Variants in CAMTA1 observed in about 807,000 individuals in gnomAD.
CAMTA1 encodes calmodulin-binding transcription activator 1.
Under a neutral mutation model 170.9 loss-of-function variants are expected in CAMTA1, and 27 were observed. That is an observed-to-expected ratio of 0.16 (90% CI 0.12 to 0.22). The LOEUF is 0.22. CAMTA1 is among the 10% of genes least tolerant of loss of function. CAMTA1 has a pLI of 1.00. For missense variants in CAMTA1, 1,619 were observed against 2,217.2 expected, an observed-to-expected ratio of 0.73 and a Z score of 5.42; for synonymous variants, 833 against 891.5, an observed-to-expected ratio of 0.93 and a Z score of 1.17.
intron 6 of CAMTA1, among the ~76,000 whole-genome samples, chr1:7,495,866 C>T (rs991951571): frequency 2.6e-5 from 4 of 152,230 alleles, no homozygotes; most frequent in African/African-American, 7.2e-5. Context: ...AGGCTAAACC[C>T]GCCCAGGAAA....
At chr1:6,889,084 A>G (rs916993998) in intron 3 of CAMTA1, among the ~76,000 whole-genome samples, 9 of 152,230 alleles carry the variant, frequency 5.9e-5, no homozygotes, top group Non-Finnish European at 1.2e-4. Flanking sequence ...TTTATTTTGC[A>G]TAGAGAAGTA....
chr1:7,477,831 C>T (rs2093446507), intron 6 of CAMTA1, among the ~76,000 whole-genome samples: 2 of 152,180 alleles, frequency 1.3e-5, no homozygotes, highest in Non-Finnish European at 2.9e-5. Context: ...TGGGGAGGGG[C>T]ACCCTCTGCT....
At chr1:6,843,748 G>T (rs1419454547) in intron 3 of CAMTA1, among the ~76,000 whole-genome samples, 2 of 152,146 alleles carry the variant, frequency 1.3e-5, no homozygotes, top group East Asian at 3.9e-4. Flanking sequence ...CCAAAGTGCT[G>T]GGATTATAGG....
chr1:6,902,072 C>CACACAAAAAAAA, intron 3 of CAMTA1, among the ~76,000 whole-genome samples: 1 of 88,492 alleles, frequency 1.1e-5, no homozygotes, highest in African/African-American at 3.6e-5. Flanking sequence ...CACACACACA[C>CACACAAAAAAAA]AAAAAAAAAA....
intron 21 of CAMTA1, among the ~76,000 whole-genome samples, chr1:7,753,635 T>G (rs562823441): frequency 2.6e-5 from 4 of 152,230 alleles, no homozygotes; most frequent in Non-Finnish European, 5.9e-5. Context: ...TACTTTTACT[T>G]AAATTAACAG....
intron 6 of CAMTA1, among the ~76,000 whole-genome samples, chr1:7,569,963 C>A (rs994195988): frequency 6.6e-6 from 1 of 152,238 alleles, no homozygotes; most frequent in East Asian, 1.9e-4. Context: ...GCTAACTGCC[C>A]TGCCTAATCC....
At chr1:7,459,879 G>A (rs530663330) in intron 5 of CAMTA1, among the ~76,000 whole-genome samples, 1 of 152,380 alleles carries the variant, frequency 6.6e-6, no homozygotes, top group South Asian at 2.1e-4. Flanking sequence ...AGGAGAAATG[G>A]AGACATGGGA....
At chr1:6,969,439 CCCTGGAA>C (rs1692157382) in intron 3 of CAMTA1, among the ~76,000 whole-genome samples, 1 of 152,122 alleles carries the variant, frequency 6.6e-6, no homozygotes, top group Non-Finnish European at 1.5e-5. Flanking sequence ...CTGCCGCTTG[CCCTGGAA>C]CCTGGTCCGG....
At chr1:7,679,862 T>A (rs2096169531) in intron 11 of CAMTA1, among the ~76,000 whole-genome samples, 1 of 152,230 alleles carries the variant, frequency 6.6e-6, no homozygotes. Context: ...ATCAGGGCCC[T>A]GAAGGACGCT....
At chr1:7,373,066 G>C (rs1452515903) in intron 5 of CAMTA1, among the ~76,000 whole-genome samples, 1 of 152,212 alleles carries the variant, frequency 6.6e-6, no homozygotes, top group Non-Finnish European at 1.5e-5. Flanking sequence ...GGAGGCATGG[G>C]AACCAGGGGA....
At chr1:7,424,839 C>T (rs2091786771) in intron 5 of CAMTA1, among the ~76,000 whole-genome samples, 1 of 152,070 alleles carries the variant, frequency 6.6e-6, no homozygotes, top group Non-Finnish European at 1.5e-5. Flanking sequence ...TCCCTAAAAA[C>T]CGCTCCACTC....
intron 6 of CAMTA1, among the ~76,000 whole-genome samples, chr1:7,553,480 G>A (rs1477865999): frequency 6.6e-6 from 1 of 152,258 alleles, no homozygotes; most frequent in East Asian, 1.9e-4. Flanking sequence ...CTCCCCTGGA[G>A]GGAGCTCACA....
chr1:6,849,555 G>A lies in CAMTA1; in HGVS notation c.234+24345G>A, dbSNP rs1659580966. Among the ~76,000 whole-genome samples, 7 of 152,068 alleles carry A rather than the reference G, an allele frequency of 4.6e-5. No homozygotes were observed. In the South Asian group the frequency reaches 1.2e-3, roughly 27 times the overall value. On this transcript the variant is annotated intron_variant, in intron 3 of 22. Coordinates refer to ENST00000303635, the MANE Select transcript of CAMTA1 (RefSeq NM_015215.4). ...GTTACAGAAACCAAGGCAGGACATA[G>A]TAGCAAGGAGACTGAGCAATAGGGA...
rs70984069 is a variant in CAMTA1, at chr1:7,310,678, TTCTC to T, written c.438+61074_438+61077del. ...TTCTTTCTTTCTTTCTTTCCTTTCT[TTCTC>T]TCTCTCTCTCTCTCTCTCTCTTTCT... On this transcript the variant is annotated intron_variant, in intron 5 of 22. Coordinates refer to ENST00000303635, the MANE Select transcript of CAMTA1 (RefSeq NM_015215.4). 4.6e-4 allele frequency among the ~76,000 whole-genome samples: 16 copies of T among 34,648 alleles called. 2 individuals carry two copies. The highest frequency in any genetic ancestry group is 2.2e-3 in the Admixed American group (6 of 2,668). The allele number at this position is 34,648 out of a possible 152,430, so 22.7% of individuals were successfully genotyped here. A position where few individuals can be genotyped will look rare whatever the true frequency, so the allele number is the denominator to read the frequency against.
intron 4 of CAMTA1, among the ~76,000 whole-genome samples, chr1:7,192,834 G>T (rs1394987796): frequency 6.6e-6 from 1 of 152,210 alleles, no homozygotes; most frequent in Non-Finnish European, 1.5e-5. Flanking sequence ...AGCGTCACCG[G>T]AAGGAAAAGG....
intron 11 of CAMTA1, among the ~76,000 whole-genome samples, chr1:7,716,199 A>AT (rs1401707240): frequency 6.6e-6 from 1 of 151,880 alleles, no homozygotes; most frequent in Non-Finnish European, 1.5e-5. Context: ...TGCCCAGCTA[A>AT]TTTTTTTATG....
At chr1:6,939,550 GTCC>G (rs1284142999) in intron 3 of CAMTA1, among the ~76,000 whole-genome samples, 1 of 152,240 alleles carries the variant, frequency 6.6e-6, no homozygotes, top group African/African-American at 2.4e-5. Flanking sequence ...GCTCCAACCT[GTCC>G]TCCTGCCATG....
chr1:6,978,849 A>G (rs964340889), intron 3 of CAMTA1, among the ~76,000 whole-genome samples: 9 of 152,196 alleles, frequency 5.9e-5, no homozygotes, highest in Non-Finnish European at 1.3e-4. Context: ...TGTTTGGGAT[A>G]CAGAGCTGAG....
intron 4 of CAMTA1, among the ~76,000 whole-genome samples, chr1:7,143,288 C>T (rs558473941): frequency 5.3e-5 from 8 of 152,316 alleles, no homozygotes; most frequent in African/African-American, 1.9e-4. Flanking sequence ...AGGTAGCAGC[C>T]TCCATTCTCA....
Sources: allele counts gnomAD v4.1 joint callset (sites outside exome capture counted in the v4.1 genomes callset), GRCh38; gene constraint gnomAD v4.1.1; transcripts MANE v1.5; gene names NCBI Gene and HGNC (gene_info 2026-07-23, HGNC 2026-07-21).